NFYC: variants seen among roughly 807,000 people sequenced by gnomAD.
The protein encoded by NFYC is nuclear transcription factor Y subunit gamma.
Under a neutral mutation model 53.1 loss-of-function variants are expected in NFYC, and 25 were observed. That is an observed-to-expected ratio of 0.47 (90% CI 0.34 to 0.66). NFYC has a LOEUF of 0.66. NFYC is among the 30% of genes least tolerant of loss of function. The pLI is 0.01. For synonymous variants in NFYC, 145 were observed against 152.6 expected (o/e 0.95, Z 0.37); for missense variants, 260 against 422.7 (o/e 0.62, Z 3.38).
At chr1:40,728,853 G>C (rs1336704169) in intron 1 of NFYC, among the ~76,000 whole-genome samples, 1 of 152,110 alleles carries the variant, frequency 6.6e-6, no homozygotes, top group East Asian at 2.0e-4. Context: ...GGCCAGGCTG[G>C]TCTCGAACTC....
intron 1 of NFYC, among the ~76,000 whole-genome samples, chr1:40,734,594 C>CA (rs896639945): frequency 1.3e-5 from 2 of 152,102 alleles, no homozygotes; most frequent in Non-Finnish European, 2.9e-5. Flanking sequence ...CTCCTGACCT[C>CA]AGGTGATCCA....
intron 1 of NFYC, among the ~76,000 whole-genome samples, chr1:40,702,364 A>T (rs1182865278): frequency 3.1e-5 from 4 of 127,562 alleles, no homozygotes; most frequent in Non-Finnish European, 6.4e-5. Flanking sequence ...TTTTTTCGAG[A>T]GGGAGTCTCT....
intron 1 of NFYC, among the ~76,000 whole-genome samples, chr1:40,694,449 C>T (rs1241251485): frequency 2.6e-5 from 4 of 152,134 alleles, no homozygotes; most frequent in Non-Finnish European, 5.9e-5. Context: ...TTTTTGTTTA[C>T]AATAACGTTT....
intron 1 of NFYC, among the ~76,000 whole-genome samples, chr1:40,724,945 A>C (rs149939026): frequency 6.6e-6 from 1 of 152,344 alleles, no homozygotes; most frequent in Non-Finnish European, 1.5e-5. Flanking sequence ...GCACTTTGAA[A>C]AGCGGCTTCC....
chr1:40,765,323 A>G (rs1023534994), intron 7 of NFYC, among the ~76,000 whole-genome samples: 13 of 152,248 alleles, frequency 8.5e-5, no homozygotes, highest in South Asian at 2.1e-4. Flanking sequence ...GTGTCCCTCC[A>G]TCTTGCCTCA....
intron 2 of NFYC, among the ~76,000 whole-genome samples, chr1:40,739,229 C>G (rs1013015290): frequency 6.6e-6 from 1 of 152,158 alleles, no homozygotes; most frequent in African/African-American, 2.4e-5. Flanking sequence ...TTAGGACTTA[C>G]AGAAAAACAG....
At chr1:40,733,019 C>CCT (rs35467973) in intron 1 of NFYC, among the ~76,000 whole-genome samples, 10,942 of 103,112 alleles carry the variant, frequency 0.11, 875 homozygotes, top group African/African-American at 0.16. Context: ...CCCCCCCCCC[C>CCT]TTTTTTTTTT....
At chr1:40,753,316 C>T in intron 5 of NFYC, 70 bp downstream of exon 5, 1 of 1,022,772 alleles carries the variant, frequency 9.8e-7, no homozygotes, top group Non-Finnish European at 1.5e-6. Context: ...AGATACGCTC[C>T]TTCTCTCTCA....
intron 1 of NFYC, among the ~76,000 whole-genome samples, chr1:40,695,020 A>T (rs1643049005): frequency 6.6e-6 from 1 of 152,208 alleles, no homozygotes; most frequent in Admixed American, 6.5e-5. Flanking sequence ...TGGGAGGCTG[A>T]GGCAGGTGGT....
intron 1 of NFYC, among the ~76,000 whole-genome samples, chr1:40,714,972 C>T (rs1158914123): frequency 2.0e-5 from 3 of 151,944 alleles, no homozygotes; most frequent in East Asian, 3.9e-4. Context: ...CCCAGCTACT[C>T]GGCAGGCTGA....
At chr1:40,736,968 A>C (rs190610331) in intron 1 of NFYC, among the ~76,000 whole-genome samples, 56 of 152,062 alleles carry the variant, frequency 3.7e-4, no homozygotes, top group African/African-American at 1.3e-3. Context: ...TTTACTAAAA[A>C]TATAAAAAAT....
chr1:40,706,095 T>C (rs1643679837), intron 1 of NFYC, among the ~76,000 whole-genome samples: 2 of 152,256 alleles, frequency 1.3e-5, no homozygotes, highest in South Asian at 4.2e-4. Context: ...GTTTATGCTA[T>C]CTACACATAT....
At chr1:40,751,895 C>T (rs1226602747) in intron 4 of NFYC, among the ~76,000 whole-genome samples, 1 of 151,984 alleles carries the variant, frequency 6.6e-6, no homozygotes, top group Non-Finnish European at 1.5e-5. Context: ...TTAAGATGGG[C>T]CCTGCTTCAG....
chr1:40,749,335 AGAGT>A (rs747226170), intron 3 of NFYC, among the ~76,000 whole-genome samples: 1 of 152,156 alleles, frequency 6.6e-6, no homozygotes, highest in Non-Finnish European at 1.5e-5. Flanking sequence ...GGCTATTATA[AGAGT>A]AAGAAAACAC....
chr1:40,737,409 A>G (rs893293988), intron 1 of NFYC, among the ~76,000 whole-genome samples: 4 of 150,234 alleles, frequency 2.7e-5, no homozygotes, highest in Non-Finnish European at 4.4e-5. Context: ...GCTCACTGCA[A>G]CCTCTGCCTC....
intron 1 of NFYC, among the ~76,000 whole-genome samples, chr1:40,726,307 G>T (rs1365521057): frequency 6.6e-6 from 1 of 151,714 alleles, no homozygotes; most frequent in African/African-American, 2.4e-5. Context: ...TAGTAGAGAC[G>T]GGGTTTCACC....
At chr1:40,712,193 C>G (rs940803032) in intron 1 of NFYC, among the ~76,000 whole-genome samples, 1 of 152,020 alleles carries the variant, frequency 6.6e-6, no homozygotes, top group Non-Finnish European at 1.5e-5. Context: ...TAGTTTAAAC[C>G]TGACACATTT....
intron 1 of NFYC, among the ~76,000 whole-genome samples, chr1:40,695,082 T>C (rs1266383753): frequency 1.3e-5 from 2 of 151,936 alleles, no homozygotes; most frequent in East Asian, 3.9e-4. Context: ...GAAACAAAAT[T>C]ACAAAAATTA....
At chr1:40,758,952 G>A (rs1309565346) in intron 6 of NFYC, among the ~76,000 whole-genome samples, 1 of 152,156 alleles carries the variant, frequency 6.6e-6, no homozygotes, top group East Asian at 1.9e-4. Flanking sequence ...GCTATGTATT[G>A]GGGATACAAG....
Sources: gnomAD v4.1 joint callset for allele counts (sites outside exome capture counted in the v4.1 genomes callset) on GRCh38, gnomAD v4.1.1 for gene constraint, MANE v1.5 for transcripts, NCBI Gene and HGNC (gene_info 2026-07-23, HGNC 2026-07-21) for gene names.